Variants in ANKRD36B observed in about 807,000 individuals in gnomAD.
ANKRD36B encodes ankyrin repeat domain 36B, also known as ankyrin repeat domain-containing protein 36B.
A neutral mutation model predicts 135.7 loss-of-function variants in ANKRD36B; 37 were observed. The ratio of observed to expected loss-of-function variants is 0.27; its 90% CI spans 0.21 to 0.36. ANKRD36B has a LOEUF of 0.36. Ranked by LOEUF, ANKRD36B falls within the 10% of genes least tolerant of loss-of-function variation. The pLI is 1.00. For missense variants in ANKRD36B, 549 were observed against 1,037.1 expected, an observed-to-expected ratio of 0.53 and a Z score of 6.46; for synonymous variants, 179 against 348.1, an observed-to-expected ratio of 0.51 and a Z score of 5.41.
rs373671901 is a variant in ANKRD36B, at chr2:97,558,723, C to T, written c.967+76G>A. 1,358 of 1,595,122 alleles carry T rather than the reference C, an allele frequency of 8.5e-4. 2 individuals carry two copies. In the East Asian group the frequency reaches 9.4e-3, roughly 11 times the overall value. On this transcript the variant is annotated intron_variant, in intron 10 of 43. Coordinates refer to ENST00000359901, the MANE Select transcript of ANKRD36B (RefSeq NM_001393939.1). ...GAATGTGCAGCTTCAATGAATCCCC[C>T]GCTGATTTATTCGGGGAAGAGAAGT... is the stretch of plus-strand genomic sequence containing the variant.
Position 97,524,562 on chromosome 2 carries a change from G to T in ANKRD36B, c.2266-1095C>A, listed in dbSNP as rs1292667662. On this transcript the variant is annotated intron_variant, in intron 35 of 43. Coordinates refer to ENST00000359901, the MANE Select transcript of ANKRD36B (RefSeq NM_001393939.1). The stretch of plus-strand genomic sequence containing the variant: ...GAAAGAAAGGCATTTTTGAGACTGG[G>T]TTATTTTTGTTCAGGAAATATCTGG... 2.1e-5 allele frequency: 2 copies of T among 95,992 alleles called. 1 individual carries two copies. The highest frequency in any genetic ancestry group is 1.9e-4 in the Admixed American group (2 of 10,756). The allele number at this position is 95,992 out of a possible 1,614,324, so 5.9% of individuals were successfully genotyped here. A position where few individuals can be genotyped will look rare whatever the true frequency, so the allele number is the denominator to read the frequency against.
chr2:97,560,764 C>A (rs2080951925), intron 7 of ANKRD36B, 27 bp from the exon 8 acceptor site: 1 of 1,595,732 alleles, frequency 6.3e-7, no homozygotes, highest in African/African-American at 1.3e-5. Flanking sequence ...ACAAAATAAT[C>A]AATATGTAAA....
chr2:97,560,766 A>C lies in ANKRD36B; in HGVS notation c.793-29T>G, dbSNP rs763484294. 6.3e-6 allele frequency: 10 copies of C among 1,595,982 alleles called. No individual in the cohort carries two copies. In the African/African-American group the frequency reaches 1.3e-4, roughly 21 times the overall value. On this transcript the variant is annotated intron_variant, in intron 7 of 43. Transcript: ENST00000359901. ...AATGGGATTTGAAACAAAATAATCA[A>C]TATGTAAAGTAGGTTTCATAGACTA...
rs766605758 is a variant in ANKRD36B, at chr2:97,551,438, G to T, written c.1302+14C>A. The T allele has an allele frequency of 6.2e-7, 1 of 1,606,612 alleles. No individual in the cohort carries two copies. Among genetic ancestry groups the T allele is most frequent in the South Asian group, 1.1e-5 (1 of 90,942 alleles). Reference sequence around the variant, plus strand: ...ACGTTTACTAGCTCACAATATAAATGAGAGTTTCATTACCTTCAAGGCTGG... The same window carrying T: ...ACGTTTACTAGCTCACAATATAAATTAGAGTTTCATTACCTTCAAGGCTGG... On this transcript the variant is annotated intron_variant, in intron 17 of 43. Transcript: ENST00000359901.
At position 97,534,768 on chromosome 2, in the gene ANKRD36B, A is replaced by G. The variant is rs2078773207; in HGVS notation, c.2191+1532T>C. On this transcript the variant is annotated intron_variant, in intron 34 of 43. Coordinates refer to ENST00000359901, the MANE Select transcript of ANKRD36B (RefSeq NM_001393939.1). The stretch of plus-strand genomic sequence containing the variant: ...GTACAGTCACTATGGAGAACACTAT[A>G]GAGTCCTCAAAAAATTAAAAATACA... Among the ~76,000 whole-genome samples, 4 of 96,900 alleles carry G rather than the reference A, an allele frequency of 4.1e-5. 1 individual carries two copies. The highest frequency in any genetic ancestry group is 1.2e-4 in the African/African-American group (4 of 32,280). 63.6% of individuals were successfully genotyped at this position (96,900 alleles called of 152,430 possible). A position where few individuals can be genotyped will look rare whatever the true frequency, so the allele number is the denominator to read the frequency against.
intron 10 of ANKRD36B, among the ~76,000 whole-genome samples, chr2:97,558,295 A>G (rs1247876894): frequency 3.3e-5 from 5 of 152,068 alleles, no homozygotes; most frequent in Admixed American, 6.6e-5. Flanking sequence ...TCCTCAGAAG[A>G]AACCCCAAAA....
chr2:97,537,703 T>C, intron 32 of ANKRD36B, among the ~76,000 whole-genome samples: 1 of 96,476 alleles, frequency 1.0e-5, no homozygotes, highest in East Asian at 2.3e-4. Context: ...GCAATCCCTC[T>C]CTTGATGAAA....
At chr2:97,545,992 G>A in intron 22 of ANKRD36B, 131 bp from the exon 23 acceptor site, 1 of 878,950 alleles carries the variant, frequency 1.1e-6, no homozygotes, top group Non-Finnish European at 1.9e-6. Context: ...CTTCTACTTT[G>A]TGTCTGGGGA....
Position 97,546,008 on chromosome 2 carries a change from A to G in ANKRD36B, c.1580-147T>C, listed in dbSNP as rs890973977. On this transcript the variant is annotated intron_variant, in intron 22 of 43. Coordinates refer to ENST00000359901, the MANE Select transcript of ANKRD36B (RefSeq NM_001393939.1). Reference sequence around the variant, plus strand: ...TTCTACTTTGTGTCTGGGGACAAGAACATGACAGAAATACACTGAAAAAAG... The same window carrying G: ...TTCTACTTTGTGTCTGGGGACAAGAGCATGACAGAAATACACTGAAAAAAG... The G allele has an allele frequency of 3.6e-6, 3 of 834,688 alleles. No homozygotes were observed. In the African/African-American group the frequency reaches 4.9e-5, roughly 14 times the overall value. 51.7% of individuals were successfully genotyped at this position (834,688 alleles called of 1,614,324 possible).
chr2:97,562,928 T>C (rs1333158434), intron 6 of ANKRD36B, among the ~76,000 whole-genome samples: 2 of 152,028 alleles, frequency 1.3e-5, no homozygotes, highest in African/African-American at 4.8e-5. Context: ...ATCTCTTATT[T>C]TGTCGCTATG....
At chr2:97,559,042 A>G (rs934909968) in intron 8 of ANKRD36B, 48 bp from the exon 9 acceptor site, 1 of 1,601,390 alleles carries the variant, frequency 6.2e-7, no homozygotes, top group Non-Finnish European at 8.5e-7. Flanking sequence ...CATATGATAA[A>G]TTTATCCATA....
Position 97,589,658 on chromosome 2 carries a change from C to G in ANKRD36B, c.28G>C (p.Ala10Pro), listed in dbSNP as rs779596010. Residue 10 changes from alanine (A) to proline (P), a missense_variant, in exon 1 of 44, where the codon GCA becomes CCA. Transcript: ENST00000359901. ...GGTTTAATGTAGTAATGGGGAAATG[C>G]GAAGCCATCCGAGCACAAGCGCTCC... MERLCSDGF[A>P]FPHYYIKPYH... 1 of 1,614,172 alleles carries G rather than the reference C, an allele frequency of 6.2e-7. No homozygotes were observed. Among genetic ancestry groups the G allele is most frequent in the East Asian group, 2.2e-5 (1 of 44,866 alleles).
At chr2:97,508,988 T>G (rs2077439950) in intron 40 of ANKRD36B, among the ~76,000 whole-genome samples, 1 of 107,158 alleles carries the variant, frequency 9.3e-6, no homozygotes, top group Admixed American at 8.6e-5. Flanking sequence ...CATATTCATA[T>G]AGAGACAGAG....
rs369126728 is a variant in ANKRD36B at position 97,545,634 on chromosome 2, G to A, written c.1681+32C>T. ...AGAGAAGATCTCTTCTATCTTGAAC[G>A]AACATCATATTAAATGTGTTTGCAA... On this transcript the variant is annotated intron_variant, in intron 24 of 43. Transcript: ENST00000359901. 8.7e-6 allele frequency: 8 copies of A among 918,420 alleles called. 3 individuals carry two copies. The highest frequency in any genetic ancestry group is 6.9e-5 in the African/African-American group (4 of 57,572). The allele number at this position is 918,420 out of a possible 1,614,324, so 56.9% of individuals were successfully genotyped here.
chr2:97,547,910 C>T (rs1242370835), intron 20 of ANKRD36B, among the ~76,000 whole-genome samples, 179 bp from the exon 21 acceptor site: 2 of 151,742 alleles, frequency 1.3e-5, no homozygotes, highest in Non-Finnish European at 2.9e-5. Context: ...AAAGGGAATA[C>T]AGGCTCCATG....
chr2:97,577,972 A>G (rs2104211529), intron 5 of ANKRD36B, among the ~76,000 whole-genome samples: 1 of 152,002 alleles, frequency 6.6e-6, no homozygotes, highest in East Asian at 1.9e-4. Context: ...CTCTTTCTAC[A>G]ACATTATTTG....
intron 3 of ANKRD36B, among the ~76,000 whole-genome samples, chr2:97,584,666 A>T (rs2082851255): frequency 7.7e-6 from 1 of 129,518 alleles, no homozygotes; most frequent in Non-Finnish European, 1.6e-5. Flanking sequence ...CTTAACTATT[A>T]CCTTTCCCAA....
Position 97,536,185 on chromosome 2 carries a change from T to A in ANKRD36B, c.2191+115A>T, listed in dbSNP as rs2078881422. 10 of 458,482 alleles carry A rather than the reference T, an allele frequency of 2.2e-5. 3 individuals carry two copies. In the East Asian group the frequency reaches 2.8e-4, roughly 13 times the overall value. 28.4% of individuals were successfully genotyped at this position (458,482 alleles called of 1,614,324 possible). A position where few individuals can be genotyped will look rare whatever the true frequency, so the allele number is the denominator to read the frequency against. ...AATGATAACAGCTGCATTATTTAGATGAAATCCTGAAATAAAATATAAAAA... is the reference window on the plus strand; with the variant it reads ...AATGATAACAGCTGCATTATTTAGAAGAAATCCTGAAATAAAATATAAAAA... On this transcript the variant is annotated intron_variant, in intron 34 of 43. Coordinates refer to ENST00000359901, the MANE Select transcript of ANKRD36B (RefSeq NM_001393939.1).
Position 97,539,040 on chromosome 2 carries a change from T to C in ANKRD36B, c.1988-677A>G. ...CCACTCATGGCAACAAAGTATAATA[T>C]ATAAACCATATCAAAAAGTATAATA... On this transcript the variant is annotated intron_variant, in intron 30 of 43. Transcript: ENST00000359901. Among the ~76,000 whole-genome samples the C allele has an allele frequency of 2.1e-5, 2 of 96,994 alleles. 1 individual carries two copies. Among genetic ancestry groups the C allele is most frequent in the Non-Finnish European group, 5.5e-5 (2 of 36,444 alleles). 63.6% of individuals were successfully genotyped at this position (96,994 alleles called of 152,430 possible).
Sources: gnomAD v4.1 joint callset for allele counts (sites outside exome capture counted in the v4.1 genomes callset) on GRCh38, gnomAD v4.1.1 for gene constraint, MANE v1.5 for transcripts, NCBI Gene and HGNC (gene_info 2026-07-23, HGNC 2026-07-21) for gene names.